The following B3GAT2 variants were observed in gnomAD, a reference collection of about 807,000 sequenced individuals.
The protein encoded by B3GAT2 is galactosylgalactosylxylosylprotein 3-beta-glucuronosyltransferase 2.
B3GAT2 carries 26 observed loss-of-function variants against 27.8 expected under a neutral mutation model. The ratio of observed to expected loss-of-function variants is 0.93; its 90% confidence interval spans 0.68 to 1.30. B3GAT2 has a LOEUF of 1.30. Among genes scored for constraint, B3GAT2 ranks in the 50% most tolerant of loss-of-function variants. The pLI is 0.00. For missense variants in B3GAT2, 458 were observed against 459.0 expected (o/e 1.00, Z 0.02); for synonymous variants, 218 against 195.1 (o/e 1.12, Z -0.98).
chr6:70,871,199 G>A (rs1771928608), intron 2 of B3GAT2, among the ~76,000 whole-genome samples: 1 of 145,452 alleles, frequency 6.9e-6, no homozygotes. Context: ...AAGGGATATA[G>A]GTCTGTCTGT....
intron 1 of B3GAT2, among the ~76,000 whole-genome samples, chr6:70,931,298 G>A (rs200999193): frequency 3.9e-5 from 6 of 151,974 alleles, no homozygotes; most frequent in South Asian, 2.1e-4. Flanking sequence ...AAACCTGCAC[G>A]TTGTGCACAT....
At chr6:70,879,686 C>T (rs1014943992) in intron 2 of B3GAT2, among the ~76,000 whole-genome samples, 4 of 152,002 alleles carry the variant, frequency 2.6e-5, no homozygotes, top group Admixed American at 6.6e-5. Context: ...AGGAAGGGTG[C>T]GGGTGCTATG....
chr6:70,917,252 T>C (rs1486125625), intron 1 of B3GAT2, among the ~76,000 whole-genome samples: 2 of 152,234 alleles, frequency 1.3e-5, no homozygotes, highest in African/African-American at 2.4e-5. Context: ...ATATCCCCTT[T>C]ATCATTTTTT....
intron 1 of B3GAT2, among the ~76,000 whole-genome samples, chr6:70,926,281 C>G (rs1582385101): frequency 1.3e-5 from 2 of 152,200 alleles, no homozygotes; most frequent in African/African-American, 4.8e-5. Flanking sequence ...CAAAGGATCG[C>G]AGCTCCTCGC....
At chr6:70,871,222 GTT>G (rs11367700) in intron 2 of B3GAT2, among the ~76,000 whole-genome samples, 3 of 65,650 alleles carry the variant, frequency 4.6e-5, no homozygotes, top group African/African-American at 8.7e-5. Context: ...TTTTTTTTTT[GTT>G]TTTTTTTTTT....
At position 70,911,100 on chromosome 6, in the gene B3GAT2, T is replaced by C. The variant is rs556945294; in HGVS notation, c.592-16828A>G. On this transcript the variant is annotated intron_variant, in intron 1 of 3. Transcript: ENST00000230053. ...TCAGATGCATACTTTACAAATACTT[T>C]CTCCCATTCTATAGGTTGTCTGTTT... Among the ~76,000 whole-genome samples, 3 of 152,336 alleles carry C rather than the reference T, an allele frequency of 2.0e-5. No homozygotes were observed. In the East Asian group the frequency reaches 5.8e-4, roughly 29 times the overall value.
chr6:70,862,598 T>C (rs1238396341), intron 2 of B3GAT2, among the ~76,000 whole-genome samples: 2 of 152,168 alleles, frequency 1.3e-5, no homozygotes, highest in African/African-American at 4.8e-5. Context: ...TATCAGGCCA[T>C]CATCTGATAA....
intron 1 of B3GAT2, among the ~76,000 whole-genome samples, chr6:70,902,966 G>A (rs1321226090): frequency 1.3e-5 from 2 of 151,986 alleles, no homozygotes; most frequent in African/African-American, 4.8e-5. Context: ...GAGATCTATT[G>A]TATATCATGG....
chr6:70,858,236 G>T lies in B3GAT2; in HGVS notation c.*3427C>A. ...CCAGTGGAGCCTCTCACAGGTAGGG[G>T]TCATTTACTTTCTAGCTTCTCCCAA... On this transcript the variant is annotated 3_prime_UTR_variant, in exon 4 of 4. Coordinates refer to ENST00000230053, the MANE Select transcript of B3GAT2 (RefSeq NM_080742.3). 8.8e-6 allele frequency: 14 copies of T among 1,599,700 alleles called. No homozygotes were observed. The highest frequency in any genetic ancestry group is 1.2e-5 in the Non-Finnish European group (14 of 1,173,122).
chr6:70,869,328 T>C (rs1342884419), intron 2 of B3GAT2, among the ~76,000 whole-genome samples: 1 of 152,188 alleles, frequency 6.6e-6, no homozygotes, highest in Non-Finnish European at 1.5e-5. Context: ...GACATTATTG[T>C]AGTTTTATAA....
intron 1 of B3GAT2, among the ~76,000 whole-genome samples, chr6:70,947,084 G>T (rs913413174): frequency 1.3e-5 from 2 of 151,948 alleles, no homozygotes; most frequent in African/African-American, 4.8e-5. Flanking sequence ...TCAAAGCAGT[G>T]TGTAGAGGGA....
At chr6:70,919,962 G>T (rs554380772) in intron 1 of B3GAT2, among the ~76,000 whole-genome samples, 2 of 152,228 alleles carry the variant, frequency 1.3e-5, no homozygotes, top group African/African-American at 2.4e-5. Flanking sequence ...GTTTAAGTCT[G>T]CAGAAGCTGT....
Position 70,869,831 on chromosome 6 carries a change from C to T in B3GAT2, c.737-7853G>A, listed in dbSNP as rs1035660568. Among the ~76,000 whole-genome samples, 4 of 152,064 alleles carry T rather than the reference C, an allele frequency of 2.6e-5. No individual in the cohort carries two copies. The East Asian group carries it at 7.7e-4, about 29-fold the overall frequency. ...GCCATCAGAGAAATGCAAATCAAAACCACAATGAGATACCATCTCACACCA... is the reference window on the plus strand; with the variant it reads ...GCCATCAGAGAAATGCAAATCAAAATCACAATGAGATACCATCTCACACCA... On this transcript the variant is annotated intron_variant, in intron 2 of 3. Coordinates refer to ENST00000230053, the MANE Select transcript of B3GAT2 (RefSeq NM_080742.3).
In B3GAT2 at chr6:70,857,403, C is replaced by G. The variant is rs1012010631; in HGVS notation, c.*4260G>C. ...AGTTACCACATGGATTAAAAAAAAT[C>G]TATGAATTTTTTTGTAATCATAACA... is the stretch of plus-strand genomic sequence containing the variant. On this transcript the variant is annotated 3_prime_UTR_variant, in exon 4 of 4. Transcript: ENST00000230053. The G allele has an allele frequency of 5.9e-6, 1 of 169,382 alleles. No individual in the cohort carries two copies. Among genetic ancestry groups the G allele is most frequent in the African/African-American group, 2.4e-5 (1 of 41,930 alleles). 10.5% of individuals were successfully genotyped at this position (169,382 alleles called of 1,614,324 possible).
chr6:70,882,942 T>C (rs1173046077), intron 2 of B3GAT2, among the ~76,000 whole-genome samples: 1 of 152,164 alleles, frequency 6.6e-6, no homozygotes, highest in Non-Finnish European at 1.5e-5. Flanking sequence ...AGGACTTGAA[T>C]AGACATTTCT....
chr6:70,954,175 T>A (rs1426007485), intron 1 of B3GAT2, among the ~76,000 whole-genome samples: 1 of 152,242 alleles, frequency 6.6e-6, no homozygotes, highest in East Asian at 1.9e-4. Context: ...TTAAAAATTG[T>A]GGTGCATTGA....
At chr6:70,879,411 CCT>C (rs775588529) in intron 2 of B3GAT2, among the ~76,000 whole-genome samples, 5 of 152,152 alleles carry the variant, frequency 3.3e-5, no homozygotes, top group Non-Finnish European at 5.9e-5. Context: ...CAGTTTTCCC[CCT>C]GACCCCCTGT....
chr6:70,879,573 C>G (rs998409286), intron 2 of B3GAT2, among the ~76,000 whole-genome samples: 16 of 152,144 alleles, frequency 1.1e-4, no homozygotes, highest in Non-Finnish European at 2.4e-4. Context: ...CAAAATCAGT[C>G]ATGATCTGCA....
chr6:70,943,171 T>A (rs1404598094), intron 1 of B3GAT2, among the ~76,000 whole-genome samples: 1 of 152,204 alleles, frequency 6.6e-6, no homozygotes, highest in Admixed American at 6.5e-5. Context: ...TTGTTTTTTT[T>A]AACCTGCAAA....
Sources: allele counts gnomAD v4.1 joint callset (sites outside exome capture counted in the v4.1 genomes callset), GRCh38; gene constraint gnomAD v4.1.1; transcripts MANE v1.5; gene names NCBI Gene and HGNC (gene_info 2026-07-23, HGNC 2026-07-21).